DDX11: variants seen among roughly 807,000 people sequenced by gnomAD.
DDX11 encodes DEAD/H-box helicase 11, also known as ATP-dependent DNA helicase DDX11.
DDX11 carries 72 observed loss-of-function variants against 125.2 expected under a neutral mutation model. The observed-to-expected ratio is 0.58, with a 90% confidence interval of 0.48 to 0.70. The LOEUF (loss-of-function observed/expected upper bound fraction) is 0.70, where lower values mean the gene tolerates loss of function less well. Among genes scored for constraint, DDX11 ranks in the 30% least tolerant of loss-of-function variants. The pLI is 0.00. For missense variants in DDX11, 883 were observed against 1,165.0 expected, an observed-to-expected ratio of 0.76 and a Z score of 3.52; for synonymous variants, 347 against 452.6, an observed-to-expected ratio of 0.77 and a Z score of 2.96.
At chr12:31,100,360 T>G in intron 18 of DDX11, 2 of 327,760 alleles carry the variant, frequency 6.1e-6, no homozygotes, top group South Asian at 8.8e-5. Context: ...TTTTTGAAAA[T>G]TTTCGCTGGT....
chr12:31,085,365 T>G (rs1182718351), intron 5 of DDX11, among the ~76,000 whole-genome samples: 1 of 152,182 alleles, frequency 6.6e-6, no homozygotes, highest in African/African-American at 2.4e-5. Flanking sequence ...GGCAGGAACA[T>G]TTGTGTCTGC....
chr12:31,104,201 T>TA lies in DDX11; in HGVS notation c.*367dup, dbSNP rs1946886255. On this transcript the variant is annotated 3_prime_UTR_variant, in exon 27 of 27. Coordinates refer to ENST00000542838, the MANE Select transcript of DDX11 (RefSeq NM_030653.4). ...GGCATCTCCGTCCTGCCCACCTTCT[T>TA]AAGAGGCGAGATGGAGCAGGCCCAT... 1 of 1,115,280 alleles carries TA rather than the reference T, an allele frequency of 9.0e-7. No individual in the cohort carries two copies. The highest frequency in any genetic ancestry group is 1.2e-6 in the Non-Finnish European group (1 of 807,870). 69.1% of individuals were successfully genotyped at this position (1,115,280 alleles called of 1,614,324 possible). A position where few individuals can be genotyped will look rare whatever the true frequency, so the allele number is the denominator to read the frequency against.
intron 5 of DDX11, among the ~76,000 whole-genome samples, chr12:31,086,530 G>T (rs907471343): frequency 3.3e-5 from 5 of 152,022 alleles, no homozygotes; most frequent in African/African-American, 1.2e-4. Flanking sequence ...CTGGTGAGAG[G>T]GGGTCATAAA....
chr12:31,094,149 T>A (rs1450424848), intron 12 of DDX11: 2 of 284,448 alleles, frequency 7.0e-6, no homozygotes, highest in Admixed American at 4.8e-5. Flanking sequence ...GGCACCCCCT[T>A]GGAAGGCGTC....
intron 1 of DDX11, among the ~76,000 whole-genome samples, chr12:31,075,587 T>G (rs1251659853): frequency 6.6e-6 from 1 of 152,018 alleles, no homozygotes; most frequent in African/African-American, 2.4e-5. Flanking sequence ...TTTGAAACCA[T>G]TAAAGAACTG....
At chr12:31,093,581 G>A (rs1379372910) in intron 12 of DDX11, 6 of 483,730 alleles carry the variant, frequency 1.2e-5, no homozygotes, top group East Asian at 9.7e-5. Context: ...AGCTGGGAGT[G>A]TTGCCGTGGC....
rs1329974789 is a variant in DDX11, at chr12:31,101,990, G to T, written c.2202+8G>T. 4 of 1,610,378 alleles carry T rather than the reference G, an allele frequency of 2.5e-6. No individual in the cohort carries two copies. In the South Asian group the frequency reaches 3.3e-5, roughly 13 times the overall value. On this transcript the variant is annotated splice_region_variant and intron_variant, in intron 21 of 26. Transcript: ENST00000542838. The stretch of plus-strand genomic sequence containing the variant: ...CTGGCTGCCAGGAAGAAGGTGAGTG[G>T]CCTGTCGGCAGCCTTCCCACTTGTG...
chr12:31,090,198 T>C, intron 9 of DDX11, 104 bp downstream of exon 9: 1 of 888,452 alleles, frequency 1.1e-6, no homozygotes, highest in South Asian at 1.4e-5. Flanking sequence ...CCCCCCACCG[T>C]GGTCAGGTTG....
chr12:31,088,376 T>A (rs10843880), intron 6 of DDX11, among the ~76,000 whole-genome samples: 1,676 of 152,036 alleles, frequency 0.011, 47 homozygotes, highest in African/African-American at 0.039. Flanking sequence ...TGTTCTGGGC[T>A]GAAATCTGGG....
Position 31,080,112 on chromosome 12 carries a change from G to A in DDX11, c.144+1575G>A, listed in dbSNP as rs1000268641. On this transcript the variant is annotated intron_variant, in intron 2 of 26. Coordinates refer to ENST00000542838, the MANE Select transcript of DDX11 (RefSeq NM_030653.4). ...AACAGGGCACAGAAAGGCTGAGTCT[G>A]CAGGGCACTGGCTGTGGCTGCCAGG... Among the ~76,000 whole-genome samples the A allele has an allele frequency of 7.2e-5, 10 of 139,312 alleles. No individual in the cohort carries two copies. The Admixed American group carries it at 7.3e-4, about 10-fold the overall frequency. 91.4% of individuals were successfully genotyped at this position (139,312 alleles called of 152,430 possible). A position where few individuals can be genotyped will look rare whatever the true frequency, so the allele number is the denominator to read the frequency against.
At position 31,097,857 on chromosome 12, in the gene DDX11, C is replaced by G. The variant is rs760608839; in HGVS notation, c.1763-28C>G. On this transcript the variant is annotated intron_variant, in intron 17 of 26. Coordinates refer to ENST00000542838, the MANE Select transcript of DDX11 (RefSeq NM_030653.4). ...GACAGAAGTGTCTGTTGGGCTTGCA[C>G]TCACCTCCCACCGATCTGTTTTTCC... is the stretch of plus-strand genomic sequence containing the variant. 5.4e-6 allele frequency: 8 copies of G among 1,473,768 alleles called. No individual in the cohort carries two copies. The Admixed American group carries it at 8.4e-5, about 16-fold the overall frequency. The allele number at this position is 1,473,768 out of a possible 1,614,324, so 91.3% of individuals were successfully genotyped here. A position where few individuals can be genotyped will look rare whatever the true frequency, so the allele number is the denominator to read the frequency against.
At chr12:31,083,025 G>A (rs1280167910) in intron 2 of DDX11, among the ~76,000 whole-genome samples, 1 of 152,194 alleles carries the variant, frequency 6.6e-6, no homozygotes, top group Non-Finnish European at 1.5e-5. Context: ...ATTTGCGACA[G>A]TCCTATTTCC....
Position 31,089,454 on chromosome 12 carries a change from A to G in DDX11, c.844A>G (p.Asn282Asp). The G allele has an allele frequency of 6.2e-7, 1 of 1,613,952 alleles. No homozygotes were observed. Among genetic ancestry groups the G allele is most frequent in the Non-Finnish European group, 8.5e-7 (1 of 1,179,854 alleles). ...VKSLGSVQLI[N>D]DRCVDMQRSR... The stretch of plus-strand genomic sequence containing the variant: ...AAGCCTAGGTTCTGTGCAGCTTATC[A>G]ACGACCGCTGTGTGGACATGCAGAG... The change falls in exon 8 of 27, where the codon AAC (asparagine) becomes GAC (aspartate). Residue 282 changes from asparagine to aspartate, a missense_variant. By Grantham distance (23) the Asn-to-Asp change is conservative (BLOSUM62 1). This residue lies in a region of DDX11 where 283 missense variants were observed against 359.6 expected (regional missense o/e 0.79). Coordinates refer to ENST00000542838, the MANE Select transcript of DDX11 (RefSeq NM_030653.4).
intron 1 of DDX11, among the ~76,000 whole-genome samples, chr12:31,075,308 C>G (rs1940548358): frequency 6.6e-6 from 1 of 151,392 alleles, no homozygotes; most frequent in Admixed American, 6.6e-5. Flanking sequence ...ACTTACGTTT[C>G]TTCTGTATTG....
chr12:31,099,080 C>CTTTTTTTTTTT lies in DDX11; in HGVS notation c.1875+1086_1875+1087insTTTTTTTTTTT, dbSNP rs1467965765. Among the ~76,000 whole-genome samples, 322 of 81,148 alleles carry CTTTTTTTTTTT rather than the reference C, an allele frequency of 4.0e-3. 23 individuals carry two copies. Among genetic ancestry groups the CTTTTTTTTTTT allele is most frequent in the Middle Eastern group, 0.014 (2 of 138 alleles). The allele number at this position is 81,148 out of a possible 152,430, so 53.2% of individuals were successfully genotyped here. On this transcript the variant is annotated intron_variant, in intron 18 of 26. Transcript: ENST00000542838. ...AATCCATACTGGTATTTCTTTCTTT[C>CTTTTTTTTTTT]TTTCTTTTTTTTTTTTTTTTTTTTT...
chr12:31,083,312 TA>T (rs1555209755), intron 2 of DDX11, among the ~76,000 whole-genome samples: 33 of 128,854 alleles, frequency 2.6e-4, no homozygotes, highest in South Asian at 2.7e-4. Flanking sequence ...TTAGTTTGCT[TA>T]AAAAAAAAAA....
chr12:31,082,514 C>T (rs1402587091), intron 2 of DDX11, among the ~76,000 whole-genome samples: 9 of 152,156 alleles, frequency 5.9e-5, no homozygotes, highest in Non-Finnish European at 4.4e-5. Context: ...CTGCCCCAAC[C>T]GTAGTCATAC....
At chr12:31,094,063 G>A (rs947405035) in intron 12 of DDX11, among the ~76,000 whole-genome samples, 6 of 152,114 alleles carry the variant, frequency 3.9e-5, no homozygotes, top group South Asian at 2.1e-4. Context: ...CTCCCAGCAC[G>A]GGAGCCTGGG....
intron 10 of DDX11, among the ~76,000 whole-genome samples, chr12:31,092,596 A>G (rs1944429477): frequency 6.6e-6 from 1 of 151,978 alleles, no homozygotes; most frequent in Non-Finnish European, 1.5e-5. Context: ...TACTTGAGGA[A>G]TTCAGCCTCT....
Sources: gnomAD v4.1 joint callset for allele counts (sites outside exome capture counted in the v4.1 genomes callset) on GRCh38, gnomAD v4.1.1 for gene constraint, gnomAD v4.1.1 regional missense constraint, MANE v1.5 for transcripts, NCBI Gene and HGNC (gene_info 2026-07-23, HGNC 2026-07-21) for gene names.